Variants in PRKCB observed in about 807,000 individuals in gnomAD.
PRKCB encodes protein kinase C beta, also known as protein kinase C beta type.
A neutral mutation model predicts 81.5 loss-of-function variants in PRKCB; 13 were observed. The observed-to-expected ratio is 0.16, with a 90% CI of 0.10 to 0.25. The LOEUF (loss-of-function observed/expected upper bound fraction) is 0.25. Among genes scored for constraint, PRKCB ranks in the 10% least tolerant of loss-of-function variants. PRKCB has a pLI of 1.00. For missense variants in PRKCB, 509 were observed against 875.7 expected (o/e 0.58, Z 5.29); for synonymous variants, 335 against 321.4 (o/e 1.04, Z -0.45).
chr16:24,120,197 G>A (rs1025395815), intron 8 of PRKCB, among the ~76,000 whole-genome samples: 2 of 152,286 alleles, frequency 1.3e-5, no homozygotes, highest in African/African-American at 4.8e-5. Context: ...AGTGGCGGGG[G>A]TTGCGGGGGG....
chr16:23,966,795 G>C (rs528078292), intron 2 of PRKCB, among the ~76,000 whole-genome samples: 3 of 152,158 alleles, frequency 2.0e-5, no homozygotes, highest in Admixed American at 6.5e-5. Context: ...GCCAAGCCCT[G>C]TTCTGCATCT....
chr16:24,032,809 A>G (rs188278505), intron 4 of PRKCB, among the ~76,000 whole-genome samples: 12 of 152,304 alleles, frequency 7.9e-5, no homozygotes, highest in African/African-American at 2.9e-4. Flanking sequence ...GGCATGTGAG[A>G]TGCACAGTCA....
intron 8 of PRKCB, among the ~76,000 whole-genome samples, chr16:24,116,003 C>T (rs1421429233): frequency 2.0e-5 from 3 of 151,842 alleles, no homozygotes; most frequent in East Asian, 1.9e-4. Context: ...GGATTACAGG[C>T]GTGATATCCC....
In PRKCB at chr16:24,216,128, C is replaced by A; in HGVS notation, c.*1312C>A. 1.0e-5 allele frequency: 10 copies of A among 985,472 alleles called. No homozygotes were observed. The highest frequency in any genetic ancestry group is 1.2e-5 in the Non-Finnish European group (10 of 829,982). The allele number at this position is 985,472 out of a possible 1,614,324, so 61.0% of individuals were successfully genotyped here. Reference sequence around the variant, plus strand: ...ACTAACTGCGGAGCTTTAATCTTGGCCCCAGTGTTCAGCCACTCGGAGGGG... The same window carrying A: ...ACTAACTGCGGAGCTTTAATCTTGGACCCAGTGTTCAGCCACTCGGAGGGG... On this transcript the variant is annotated 3_prime_UTR_variant, in exon 17 of 17. Transcript: ENST00000643927.
At chr16:24,100,417 C>A (rs1966491104) in intron 7 of PRKCB, among the ~76,000 whole-genome samples, 1 of 152,168 alleles carries the variant, frequency 6.6e-6, no homozygotes, top group South Asian at 2.1e-4. Context: ...GTTGCTTCTC[C>A]TTGTGAGTTC....
chr16:24,181,883 C>G (rs79426223), intron 13 of PRKCB, among the ~76,000 whole-genome samples: 1 of 145,706 alleles, frequency 6.9e-6, no homozygotes, highest in Admixed American at 6.8e-5. Flanking sequence ...TAAAAGCATA[C>G]AAAAATCTGG....
At chr16:24,163,165 T>G (rs1967289957) in intron 10 of PRKCB, among the ~76,000 whole-genome samples, 1 of 152,170 alleles carries the variant, frequency 6.6e-6, no homozygotes, top group African/African-American at 2.4e-5. Context: ...TGCTACTAAC[T>G]CACTAGGAAC....
At chr16:23,836,438 G>GCCCTCCGCA in intron 1 of PRKCB, 90 bp downstream of exon 1, 2 of 1,444,136 alleles carry the variant, frequency 1.4e-6, no homozygotes, top group Non-Finnish European at 1.8e-6. Context: ...CGCCCTCCGC[G>GCCCTCCGCA]CCCTCCGCAC....
intron 2 of PRKCB, among the ~76,000 whole-genome samples, chr16:23,934,393 T>A (rs2141760570): frequency 6.6e-6 from 1 of 151,876 alleles, no homozygotes; most frequent in African/African-American, 2.4e-5. Context: ...TTTCAACATA[T>A]TCAAGCACTG....
At chr16:24,137,442 G>T (rs900889638) in intron 9 of PRKCB, among the ~76,000 whole-genome samples, 2 of 152,136 alleles carry the variant, frequency 1.3e-5, no homozygotes, top group African/African-American at 4.8e-5. Context: ...TCCTGCCTCA[G>T]CCTCCCAAAG....
intron 2 of PRKCB, among the ~76,000 whole-genome samples, chr16:23,878,283 G>A (rs373883934): frequency 6.6e-6 from 1 of 152,122 alleles, no homozygotes; most frequent in Admixed American, 6.6e-5. Context: ...TGATCAACCC[G>A]TAAGCTTATT....
chr16:24,010,834 C>A (rs1377781843), intron 3 of PRKCB, among the ~76,000 whole-genome samples: 2 of 152,094 alleles, frequency 1.3e-5, no homozygotes, highest in Non-Finnish European at 2.9e-5. Flanking sequence ...TATATTTGGT[C>A]AATTACCTAC....
At chr16:24,174,212 A>T in intron 11 of PRKCB, 1 of 267,370 alleles carries the variant, frequency 3.7e-6, no homozygotes, top group Non-Finnish European at 7.0e-6. Context: ...ACAAGGTCTC[A>T]CTATGTTGCC....
intron 2 of PRKCB, among the ~76,000 whole-genome samples, chr16:23,910,324 G>A (rs1398545673): frequency 1.3e-5 from 2 of 152,168 alleles, no homozygotes; most frequent in Non-Finnish European, 2.9e-5. Flanking sequence ...GGTGTGCACT[G>A]GTGAGATTTG....
rs146338430 is a variant in PRKCB at position 23,916,455 on chromosome 16, T to C, written c.206-72053T>C. Reference sequence around the variant, plus strand: ...AAGGTTAACATTAAATTTCGAATAGTTATATGTACTCACTGGTTCAAAATT... The same window carrying C: ...AAGGTTAACATTAAATTTCGAATAGCTATATGTACTCACTGGTTCAAAATT... On this transcript the variant is annotated intron_variant, in intron 2 of 16. Coordinates refer to ENST00000643927, the MANE Select transcript of PRKCB (RefSeq NM_002738.7). 1.5e-3 allele frequency among the ~76,000 whole-genome samples: 229 copies of C among 152,282 alleles called. 1 individual carries two copies. Among genetic ancestry groups the C allele is most frequent in the African/African-American group, 5.3e-3 (219 of 41,558 alleles).
intron 7 of PRKCB, among the ~76,000 whole-genome samples, chr16:24,095,299 G>A (rs1966426372): frequency 6.6e-6 from 1 of 152,128 alleles, no homozygotes; most frequent in Admixed American, 6.5e-5. Context: ...GGAAGCTAGG[G>A]CTTTTCAAAG....
In PRKCB at chr16:24,124,766, A is replaced by T. The variant is rs372949105; in HGVS notation, c.1065+785A>T. Among the ~76,000 whole-genome samples the T allele has an allele frequency of 6.6e-5, 10 of 152,312 alleles. No homozygotes were observed. The East Asian group carries it at 1.7e-3, about 26-fold the overall frequency. On this transcript the variant is annotated intron_variant, in intron 9 of 16. Coordinates refer to ENST00000643927, the MANE Select transcript of PRKCB (RefSeq NM_002738.7). ...CCATGAACTCAGGTGTGCAAAAAAT[A>T]TAAATTTCTTTTCCATCTATGTAAC...
At chr16:24,058,339 T>G (rs1023565455) in intron 5 of PRKCB, among the ~76,000 whole-genome samples, 5 of 152,168 alleles carry the variant, frequency 3.3e-5, no homozygotes, top group African/African-American at 9.7e-5. Flanking sequence ...TTATTTTTTA[T>G]GCCACTTTGT....
At chr16:24,064,846 A>G (rs1212606077) in intron 5 of PRKCB, among the ~76,000 whole-genome samples, 1 of 151,532 alleles carries the variant, frequency 6.6e-6, no homozygotes, top group Non-Finnish European at 1.5e-5. Flanking sequence ...TTCTTGCCTT[A>G]AAGCCTACTT....
Sources: gnomAD v4.1 joint callset for allele counts (sites outside exome capture counted in the v4.1 genomes callset) on GRCh38, gnomAD v4.1.1 for gene constraint, MANE v1.5 for transcripts, NCBI Gene and HGNC (gene_info 2026-07-23, HGNC 2026-07-21) for gene names.